RUNX1: variants seen among roughly 807,000 people sequenced by gnomAD.
RUNX1 encodes runt-related transcription factor 1.
RUNX1 carries 19 observed loss-of-function variants against 42.8 expected under a neutral mutation model. The observed-to-expected ratio is 0.44, with a 90% CI of 0.31 to 0.65. RUNX1 has a LOEUF of 0.65. Among genes scored for constraint, RUNX1 ranks in the 30% least tolerant of loss-of-function variants. The pLI is 0.07. For synonymous variants in RUNX1, 271 were observed against 289.4 expected, an observed-to-expected ratio of 0.94 and a Z score of 0.64; for missense variants, 528 against 672.0, an observed-to-expected ratio of 0.79 and a Z score of 2.37.
intron 6 of RUNX1, among the ~76,000 whole-genome samples, chr21:34,850,362 G>C (rs1433843433): frequency 6.6e-6 from 1 of 152,242 alleles, no homozygotes; most frequent in Non-Finnish European, 1.5e-5. Flanking sequence ...CACTGATTTA[G>C]GAAACTCAGT....
intron 5 of RUNX1, among the ~76,000 whole-genome samples, chr21:34,880,297 C>T (rs1358993443): frequency 2.0e-5 from 3 of 152,144 alleles, no homozygotes; most frequent in African/African-American, 7.2e-5. Context: ...AAATCTCAGG[C>T]GTTTCTTTGA....
At chr21:34,899,393 C>T (rs1311670531) in intron 2 of RUNX1, among the ~76,000 whole-genome samples, 1 of 151,962 alleles carries the variant, frequency 6.6e-6, no homozygotes, top group Non-Finnish European at 1.5e-5. Flanking sequence ...AAGAAAAGAC[C>T]AGATTGATCT....
At chr21:34,797,145 G>A (rs539378006) in intron 8 of RUNX1, among the ~76,000 whole-genome samples, 1 of 152,318 alleles carries the variant, frequency 6.6e-6, no homozygotes. Flanking sequence ...CTGCCAAATT[G>A]AAGAGCAGTC....
intron 2 of RUNX1, among the ~76,000 whole-genome samples, chr21:35,047,561 A>ACTCTCTCTCTCTCTCT (rs55862184): frequency 1.5e-4 from 7 of 46,760 alleles, no homozygotes; most frequent in Non-Finnish European, 2.5e-4. Flanking sequence ...ACACACACAC[A>ACTCTCTCTCTCTCTCT]CTCTCTCTCT....
At chr21:34,851,447 C>T (rs2284614) in intron 6 of RUNX1, among the ~76,000 whole-genome samples, 44,889 of 152,072 alleles carry the variant, frequency 0.3, 6,981 homozygotes, top group East Asian at 0.48. Flanking sequence ...AAAATGAAGA[C>T]GAAAGTATTT....
chr21:34,889,920 G>A (rs762182390), intron 3 of RUNX1: 86 of 966,590 alleles, frequency 8.9e-5, no homozygotes, highest in Non-Finnish European at 1.0e-4. Flanking sequence ...CCCAGTCCCC[G>A]GATCCCGGCC....
chr21:34,876,769 G>T (rs1411379050), intron 5 of RUNX1, among the ~76,000 whole-genome samples: 1 of 152,218 alleles, frequency 6.6e-6, no homozygotes, highest in Non-Finnish European at 1.5e-5. Flanking sequence ...TACTAAAGCT[G>T]TATTTCCTGA....
Position 34,965,720 on chromosome 21 carries a change from A to G in RUNX1, c.59-72757T>C, listed in dbSNP as rs1421368105. Among the ~76,000 whole-genome samples, 5 of 152,150 alleles carry G rather than the reference A, an allele frequency of 3.3e-5. No homozygotes were observed. In the South Asian group the frequency reaches 1.0e-3, roughly 31 times the overall value. On this transcript the variant is annotated intron_variant, in intron 2 of 8. Transcript: ENST00000675419. ...CTCTCGAGATGAAAATCTGTGACACAGAGCACACACACACACACCCAGGCA... is the reference window on the plus strand; with the variant it reads ...CTCTCGAGATGAAAATCTGTGACACGGAGCACACACACACACACCCAGGCA...
intron 7 of RUNX1, among the ~76,000 whole-genome samples, chr21:34,806,342 T>C (rs1375303198): frequency 6.6e-6 from 1 of 152,154 alleles, no homozygotes; most frequent in African/African-American, 2.4e-5. Context: ...GCGATGTTAA[T>C]TTTATACAAA....
intron 7 of RUNX1, among the ~76,000 whole-genome samples, chr21:34,812,857 AAATT>A (rs2056775569): frequency 6.6e-6 from 1 of 152,196 alleles, no homozygotes. Context: ...TTTTTTAAAA[AAATT>A]AAATGTAGAG....
chr21:34,888,753 C>T, intron 3 of RUNX1: 1 of 961,944 alleles, frequency 1.0e-6, no homozygotes, highest in Non-Finnish European at 1.3e-6. Context: ...ATTCCATTCC[C>T]TCAGCTCGTT....
In RUNX1 at chr21:34,978,937, T is replaced by TATACACAC. The variant is rs71319521; in HGVS notation, c.58+69904_58+69905insGTGTGTAT. ...TTCTCAGACAAAACACACACACAGATACACACACACACACACACACACACA... is the reference window on the plus strand; with the variant it reads ...TTCTCAGACAAAACACACACACAGATATACACACACACACACACACACACACACACACA... On this transcript the variant is annotated intron_variant, in intron 2 of 8. Transcript: ENST00000675419. Among the ~76,000 whole-genome samples the TATACACAC allele has an allele frequency of 1.3e-3, 180 of 134,142 alleles. 6 individuals carry two copies. The East Asian group carries it at 0.028, about 21-fold the overall frequency. The allele number at this position is 134,142 out of a possible 152,430, so 88.0% of individuals were successfully genotyped here. A position where few individuals can be genotyped will look rare whatever the true frequency, so the allele number is the denominator to read the frequency against.
chr21:34,799,242 A>G (rs2145906299), intron 8 of RUNX1, 59 bp downstream of exon 8: 2 of 1,572,206 alleles, frequency 1.3e-6, no homozygotes, highest in Admixed American at 1.7e-5. Context: ...ATGCACCTCT[A>G]GTCTCCTGGA....
chr21:34,976,430 T>C (rs1039253569), intron 2 of RUNX1, among the ~76,000 whole-genome samples: 6 of 152,230 alleles, frequency 3.9e-5, no homozygotes, highest in Admixed American at 6.5e-5. Context: ...TCCAGTAGGA[T>C]TGAGCTTTGG....
intron 2 of RUNX1, among the ~76,000 whole-genome samples, chr21:34,985,353 G>A (rs1245970913): frequency 3.9e-5 from 6 of 152,222 alleles, no homozygotes; most frequent in African/African-American, 1.4e-4. Flanking sequence ...TTGTCAAAGG[G>A]TGCTTGCTGA....
chr21:34,940,934 G>A (rs930751971), intron 2 of RUNX1, among the ~76,000 whole-genome samples: 1 of 152,228 alleles, frequency 6.6e-6, no homozygotes, highest in Non-Finnish European at 1.5e-5. Context: ...TGGCAGCAAT[G>A]AGCCAGTACT....
chr21:34,935,617 C>T (rs1321408092), intron 2 of RUNX1, among the ~76,000 whole-genome samples: 8 of 151,526 alleles, frequency 5.3e-5, no homozygotes, highest in South Asian at 2.1e-4. Flanking sequence ...CATAGGGTTT[C>T]TCAACCTCAG....
intron 2 of RUNX1, among the ~76,000 whole-genome samples, chr21:35,029,783 T>C (rs1231222664): frequency 1.3e-5 from 2 of 152,130 alleles, no homozygotes. Context: ...TCCTCACCAC[T>C]TCAGTGGTGC....
chr21:34,986,033 G>C (rs1454291381), intron 2 of RUNX1, among the ~76,000 whole-genome samples: 3 of 151,724 alleles, frequency 2.0e-5, no homozygotes, highest in African/African-American at 7.3e-5. Context: ...CCACTACACT[G>C]GGCTAATTTT....
Sources: allele counts gnomAD v4.1 joint callset (sites outside exome capture counted in the v4.1 genomes callset), GRCh38; gene constraint gnomAD v4.1.1; transcripts MANE v1.5; gene names NCBI Gene and HGNC (gene_info 2026-07-23, HGNC 2026-07-21).